The following SPATA4 variants were observed in gnomAD, a reference collection of about 807,000 sequenced individuals.
The protein encoded by SPATA4 is spermatogenesis-associated protein 4.
Under a neutral mutation model 31.8 loss-of-function variants are expected in SPATA4, and 35 were observed. The observed-to-expected ratio is 1.10, with a 90% CI of 0.84 to 1.46. The LOEUF (loss-of-function observed/expected upper bound fraction) is 1.46. Among genes scored for constraint, SPATA4 ranks in the 40% most tolerant of loss-of-function variants. The probability of loss-of-function intolerance (pLI) is 0.00; values close to 1 mark genes in which losing one functional copy is unlikely to be tolerated. For missense variants in SPATA4, 394 were observed against 363.1 expected (o/e 1.09, Z -0.69); for synonymous variants, 126 against 132.4 (o/e 0.95, Z 0.33).
chr4:176,192,413 T>C (rs1752544930), intron 4 of SPATA4, among the ~76,000 whole-genome samples: 1 of 152,242 alleles, frequency 6.6e-6, no homozygotes, highest in African/African-American at 2.4e-5. Flanking sequence ...AGTGTCTGTA[T>C]ACTGTGTTAA....
In SPATA4 at chr4:176,188,109, T is replaced by C; in HGVS notation, c.805+10A>G. On this transcript the variant is annotated intron_variant, in intron 5 of 5. Transcript: ENST00000280191. ...AAATCAATTTTAAGAAGCAAAGAGTTAAAACTTACGTAAAACAGGGACAAC... is the reference window on the plus strand; with the variant it reads ...AAATCAATTTTAAGAAGCAAAGAGTCAAAACTTACGTAAAACAGGGACAAC... The C allele has an allele frequency of 6.3e-7, 1 of 1,591,758 alleles. No individual in the cohort carries two copies. Among genetic ancestry groups the C allele is most frequent in the Non-Finnish European group, 8.6e-7 (1 of 1,161,444 alleles).
At chr4:176,185,259 T>A (rs919821302) in intron 5 of SPATA4, among the ~76,000 whole-genome samples, 1 of 152,158 alleles carries the variant, frequency 6.6e-6, no homozygotes, top group Non-Finnish European at 1.5e-5. Context: ...TAATACAGTT[T>A]ATGGAGCTCT....
Position 176,191,262 on chromosome 4 carries a change from AT to A in SPATA4, c.688+1364del, listed in dbSNP as rs375009268. Among the ~76,000 whole-genome samples the A allele has an allele frequency of 1.9e-4, 29 of 152,146 alleles. No homozygotes were observed. The East Asian group carries it at 5.4e-3, about 28-fold the overall frequency. On this transcript the variant is annotated intron_variant, in intron 4 of 5. Transcript: ENST00000280191. ...AGGCACACGCCACCATGCCCAGCTA[AT>A]TTTTGTGTTTTTAGTAGAGACGGGA... is the stretch of plus-strand genomic sequence containing the variant.
At chr4:176,189,541 C>A (rs1217035682) in intron 4 of SPATA4, among the ~76,000 whole-genome samples, 1 of 151,798 alleles carries the variant, frequency 6.6e-6, no homozygotes. Context: ...CAATAAATCA[C>A]TGTAAATGAA....
rs1187271816 is a variant in SPATA4, at chr4:176,184,707, T to C, written c.*73A>G. ...TTTATTATTGAAATACATCCAATAC[T>C]AGGTGATTCTGTTTCTTTATTATGG... On this transcript the variant is annotated 3_prime_UTR_variant, in exon 6 of 6. Coordinates refer to ENST00000280191, the MANE Select transcript of SPATA4 (RefSeq NM_144644.4). 1.7e-5 allele frequency: 13 copies of C among 764,520 alleles called. No homozygotes were observed. The highest frequency in any genetic ancestry group is 2.8e-5 in the Admixed American group (1 of 35,698). The allele number at this position is 764,520 out of a possible 1,614,324, so 47.4% of individuals were successfully genotyped here. A position where few individuals can be genotyped will look rare whatever the true frequency, so the allele number is the denominator to read the frequency against.
rs75251773 is a variant in SPATA4, at chr4:176,189,429, G to C, written c.689-1194C>G. On this transcript the variant is annotated intron_variant, in intron 4 of 5. Transcript: ENST00000280191. The stretch of plus-strand genomic sequence containing the variant: ...ACTTAGTCCAAAAGAAGAAAAGATA[G>C]GTAAGATGAAAAGAAGAAACAGAAA... 2.2e-3 allele frequency among the ~76,000 whole-genome samples: 339 copies of C among 150,756 alleles called. 3 individuals carry two copies. The East Asian group carries it at 0.032, about 14-fold the overall frequency.
rs142631721 is a variant in SPATA4, at chr4:176,185,944, G to C, written c.806-1052C>G. Among the ~76,000 whole-genome samples the C allele has an allele frequency of 2.2e-3, 334 of 152,208 alleles. 1 individual carries two copies. The highest frequency in any genetic ancestry group is 7.8e-3 in the African/African-American group (323 of 41,534). On this transcript the variant is annotated intron_variant, in intron 5 of 5. Transcript: ENST00000280191. ...ATTGAGATGAAAGTGAATCATAAAA[G>C]AGCAACCAGAGAATCATAAAAAAGA...
intron 5 of SPATA4, among the ~76,000 whole-genome samples, chr4:176,186,882 T>C (rs537564746): frequency 4.6e-5 from 7 of 152,146 alleles, no homozygotes; most frequent in Non-Finnish European, 8.8e-5. Context: ...AAAGACTCTA[T>C]GTAAACAAAT....
intron 4 of SPATA4, among the ~76,000 whole-genome samples, chr4:176,188,776 C>G (rs568050364): frequency 6.6e-6 from 1 of 152,236 alleles, no homozygotes; most frequent in South Asian, 2.1e-4. Flanking sequence ...TTCTTTTTAA[C>G]TAATCCTGTA....
rs1236573410 is a variant in SPATA4, at chr4:176,184,701, C to G, written c.*79G>C. 1 of 701,704 alleles carries G rather than the reference C, an allele frequency of 1.4e-6. No individual in the cohort carries two copies. Among genetic ancestry groups the G allele is most frequent in the African/African-American group, 1.8e-5 (1 of 54,290 alleles). 43.5% of individuals were successfully genotyped at this position (701,704 alleles called of 1,614,324 possible). A position where few individuals can be genotyped will look rare whatever the true frequency, so the allele number is the denominator to read the frequency against. Reference sequence around the variant, plus strand: ...ACTCTATTTATTATTGAAATACATCCAATACTAGGTGATTCTGTTTCTTTA... The same window carrying G: ...ACTCTATTTATTATTGAAATACATCGAATACTAGGTGATTCTGTTTCTTTA... On this transcript the variant is annotated 3_prime_UTR_variant, in exon 6 of 6. Transcript: ENST00000280191.
At chr4:176,185,463 A>G (rs1476750002) in intron 5 of SPATA4, among the ~76,000 whole-genome samples, 1 of 152,210 alleles carries the variant, frequency 6.6e-6, no homozygotes, top group African/African-American at 2.4e-5. Context: ...CCTAACTTAC[A>G]ATTAATTTTG....
chr4:176,195,415 G>C lies in SPATA4; in HGVS notation c.148C>G (p.Arg50Gly). 1 of 1,614,236 alleles carries C rather than the reference G, an allele frequency of 6.2e-7. No homozygotes were observed. The highest frequency in any genetic ancestry group is 8.5e-7 in the Non-Finnish European group (1 of 1,180,044). ...CAACGCAGAACGGAACGAGACAAGC[G>C]GGAGCTCTTCGGCGCATGCGGATAG... The part of the protein sequence containing the change: ...LVYPHAPKSS[R>G]LSRSVLRWLQ... Residue 50 changes from arginine (R) to glycine (G), a missense_variant, in exon 1 of 6, where the codon CGC (arginine) becomes GGC (glycine). Arg to Gly is a moderately radical substitution (Grantham distance 125). Coordinates refer to ENST00000280191, the MANE Select transcript of SPATA4 (RefSeq NM_144644.4).
chr4:176,191,180 A>C (rs781435181), intron 4 of SPATA4, among the ~76,000 whole-genome samples: 9 of 151,304 alleles, frequency 5.9e-5, no homozygotes, highest in African/African-American at 1.2e-4. Flanking sequence ...ACTGCAACCT[A>C]AGCCTCCTGG....
At chr4:176,189,193 GA>G (rs1467036449) in intron 4 of SPATA4, among the ~76,000 whole-genome samples, 9 of 152,196 alleles carry the variant, frequency 5.9e-5, no homozygotes, top group African/African-American at 1.9e-4. Context: ...GGACAGAACT[GA>G]AATGCTAGAC....
intron 4 of SPATA4, among the ~76,000 whole-genome samples, chr4:176,191,227 C>T (rs573401102): frequency 6.6e-6 from 1 of 151,960 alleles, no homozygotes; most frequent in East Asian, 1.9e-4. Flanking sequence ...TCCCCAGTAG[C>T]TGGGATTACA....
intron 5 of SPATA4, among the ~76,000 whole-genome samples, chr4:176,186,204 A>G (rs1413299216): frequency 6.6e-6 from 1 of 152,186 alleles, no homozygotes; most frequent in Non-Finnish European, 1.5e-5. Context: ...GCCTATTTGC[A>G]TCTCTTTCTT....
intron 5 of SPATA4, 62 bp from the exon 6 acceptor site, chr4:176,184,954 A>T: frequency 1.0e-6 from 1 of 980,764 alleles, no homozygotes; most frequent in Non-Finnish European, 1.6e-6. Context: ...TCATACAAGC[A>T]TCAACATGTC....
intron 5 of SPATA4, among the ~76,000 whole-genome samples, chr4:176,186,184 T>G (rs2333402): frequency 0.28 from 42,857 of 152,082 alleles, 6,159 homozygotes; most frequent in South Asian, 0.33. Flanking sequence ...GGCATCAGTT[T>G]TTGTCTCTGG....
rs768903035 is a variant in SPATA4 at position 176,193,050 on chromosome 4, T to G, written c.375A>C (p.Leu125Phe). 6.3e-7 allele frequency: 1 copy of G among 1,594,542 alleles called. No homozygotes were observed. Among genetic ancestry groups the G allele is most frequent in the Non-Finnish European group, 8.5e-7 (1 of 1,174,688 alleles). The change falls in exon 3 of 6, where the codon TTA becomes TTC. Residue 125 changes from leucine (L) to phenylalanine (F), a missense_variant. Leu to Phe is a conservative substitution (Grantham distance 22). Transcript: ENST00000280191. ...EKFLARKKFKLPKELIHGTIH... is the reference protein window; with the variant it reads ...EKFLARKKFKFPKELIHGTIH... ...TTGTTCCATGGATTAGTTCTTTAGG[T>G]AATTTAAATTTTTTTCTTGCCAGGA... is the stretch of plus-strand genomic sequence containing the variant.
Sources: allele counts gnomAD v4.1 joint callset (sites outside exome capture counted in the v4.1 genomes callset), GRCh38; gene constraint gnomAD v4.1.1; transcripts MANE v1.5; gene names NCBI Gene and HGNC (gene_info 2026-07-23, HGNC 2026-07-21).